Variants in COL19A1 observed in about 807,000 individuals in gnomAD.
The protein encoded by COL19A1 is collagen alpha-1(XIX) chain.
COL19A1 carries 159 observed loss-of-function variants against 190.2 expected under a neutral mutation model. That is an observed-to-expected ratio of 0.84 (90% CI 0.73 to 0.95). COL19A1 has a LOEUF of 0.95. Among genes scored for constraint, COL19A1 ranks in the 40% least tolerant of loss-of-function variants. The pLI is 0.00. For missense variants in COL19A1, 1,418 were observed against 1,431.9 expected, an observed-to-expected ratio of 0.99 and a Z score of 0.16; for synonymous variants, 509 against 458.9, an observed-to-expected ratio of 1.11 and a Z score of -1.39.
intron 31 of COL19A1, among the ~76,000 whole-genome samples, chr6:70,154,100 C>T (rs1443712478): frequency 6.8e-6 from 1 of 146,716 alleles, no homozygotes; most frequent in Non-Finnish European, 1.5e-5. Flanking sequence ...AATGCTATCC[C>T]TCCCCTACCC....
At chr6:70,196,186 T>A (rs1296552476) in intron 48 of COL19A1, among the ~76,000 whole-genome samples, 1 of 152,240 alleles carries the variant, frequency 6.6e-6, no homozygotes, top group East Asian at 1.9e-4. Context: ...AGGAAATTAC[T>A]CTTCTGATAT....
At chr6:70,009,245 G>A (rs1023616192) in intron 11 of COL19A1, among the ~76,000 whole-genome samples, 4 of 152,082 alleles carry the variant, frequency 2.6e-5, no homozygotes, top group African/African-American at 9.6e-5. Context: ...AATCTTATAT[G>A]TAAAAAATTC....
chr6:69,923,847 C>T (rs1452178484), intron 4 of COL19A1, among the ~76,000 whole-genome samples: 1 of 152,142 alleles, frequency 6.6e-6, no homozygotes, highest in Non-Finnish European at 1.5e-5. Context: ...TTTTCTGTCA[C>T]ACACATAGGC....
At chr6:69,921,284 CATATATCAT>C (rs1202272903) in intron 4 of COL19A1, among the ~76,000 whole-genome samples, 259 of 129,142 alleles carry the variant, frequency 2.0e-3, no homozygotes, top group African/African-American at 6.6e-3. Context: ...TATCATATAT[CATATATCAT>C]ATATATCATA....
At chr6:70,104,283 A>T (rs1329043287) in intron 16 of COL19A1, among the ~76,000 whole-genome samples, 23 of 152,352 alleles carry the variant, frequency 1.5e-4, no homozygotes, top group South Asian at 2.1e-4. Flanking sequence ...ATTGACTCAC[A>T]GTTCCACAGG....
At chr6:70,068,086 G>T (rs567420724) in intron 14 of COL19A1, among the ~76,000 whole-genome samples, 1 of 151,854 alleles carries the variant, frequency 6.6e-6, no homozygotes, top group Admixed American at 6.6e-5. Context: ...GTATAAAGAG[G>T]TATCTTTTTC....
intron 12 of COL19A1, among the ~76,000 whole-genome samples, chr6:70,027,961 GT>G (rs1778816851): frequency 6.6e-6 from 1 of 152,000 alleles, no homozygotes; most frequent in Non-Finnish European, 1.5e-5. Context: ...CTGTGCCTCA[GT>G]TTCTTTATTT....
chr6:69,974,130 GA>G (rs1192930128), intron 11 of COL19A1: 1 of 152,048 alleles, frequency 6.6e-6, no homozygotes, highest in Non-Finnish European at 1.5e-5. Flanking sequence ...TCTCCTTTAA[GA>G]ACCTCCCCAT....
chr6:70,035,829 A>G (rs1336794052), intron 13 of COL19A1, 75 bp from the exon 14 acceptor site: 3 of 1,224,294 alleles, frequency 2.5e-6, no homozygotes, highest in Non-Finnish European at 3.6e-6. Context: ...TATTGCTTCT[A>G]TCCACCTAGA....
chr6:69,996,530 A>T (rs1246348573), intron 11 of COL19A1, among the ~76,000 whole-genome samples: 1 of 150,722 alleles, frequency 6.6e-6, no homozygotes, highest in Non-Finnish European at 1.5e-5. Context: ...TTGGAAAAAG[A>T]AGTTATATTT....
At chr6:70,071,469 T>C (rs1738113185) in intron 15 of COL19A1, among the ~76,000 whole-genome samples, 1 of 152,210 alleles carries the variant, frequency 6.6e-6, no homozygotes, top group Admixed American at 6.6e-5. Context: ...AAAGCTATTC[T>C]TAACAATGTT....
chr6:70,084,848 C>T (rs1026084991), intron 15 of COL19A1, among the ~76,000 whole-genome samples: 1 of 152,014 alleles, frequency 6.6e-6, no homozygotes, highest in Admixed American at 6.5e-5. Context: ...AAAATGTAAC[C>T]CTCTGTATAA....
At chr6:70,204,650 T>A (rs1387613267) in intron 49 of COL19A1, among the ~76,000 whole-genome samples, 1 of 152,212 alleles carries the variant, frequency 6.6e-6, no homozygotes, top group Admixed American at 6.5e-5. Context: ...TGAACTTAAA[T>A]GAAATCGCTA....
At chr6:69,882,709 A>G (rs1179379417) in intron 2 of COL19A1, among the ~76,000 whole-genome samples, 2 of 152,194 alleles carry the variant, frequency 1.3e-5, no homozygotes, top group African/African-American at 2.4e-5. Flanking sequence ...GATTGACTTG[A>G]TTATAAATTT....
chr6:69,874,714 G>A (rs997286945), intron 1 of COL19A1, among the ~76,000 whole-genome samples: 1 of 151,808 alleles, frequency 6.6e-6, no homozygotes, highest in African/African-American at 2.4e-5. Flanking sequence ...TCGCACCACT[G>A]CACTCCAGCC....
At chr6:70,161,063 C>A (rs1329674884) in intron 34 of COL19A1, among the ~76,000 whole-genome samples, 1 of 152,088 alleles carries the variant, frequency 6.6e-6, no homozygotes, top group Non-Finnish European at 1.5e-5. Context: ...GTATCAGCAT[C>A]TTAAATCCTA....
intron 9 of COL19A1, among the ~76,000 whole-genome samples, chr6:69,940,873 G>A (rs946384897): frequency 6.6e-6 from 1 of 152,004 alleles, no homozygotes; most frequent in African/African-American, 2.4e-5. Context: ...TTAAGGAATG[G>A]AGGGTGGGTT....
At chr6:69,928,409 T>C (rs1772534137) in intron 5 of COL19A1, among the ~76,000 whole-genome samples, 2 of 152,120 alleles carry the variant, frequency 1.3e-5, no homozygotes, top group Non-Finnish European at 2.9e-5. Flanking sequence ...AGTTTATCAT[T>C]TCATTGGACA....
At chr6:69,884,860 CT>C (rs551532506) in intron 2 of COL19A1, among the ~76,000 whole-genome samples, 196 of 144,130 alleles carry the variant, frequency 1.4e-3, no homozygotes, top group Middle Eastern at 3.6e-3. Context: ...GCTCTTTTCT[CT>C]TTTTTTTTTT....
Sources: allele counts gnomAD v4.1 joint callset (sites outside exome capture counted in the v4.1 genomes callset), GRCh38; gene constraint gnomAD v4.1.1; transcripts MANE v1.5; gene names NCBI Gene and HGNC (gene_info 2026-07-23, HGNC 2026-07-21).